Variants in MEMO1 observed in about 807,000 individuals in gnomAD.
The protein encoded by MEMO1 is protein MEMO1.
MEMO1 carries 6 observed loss-of-function variants against 45.2 expected under a neutral mutation model. The observed-to-expected ratio is 0.13, with a 90% confidence interval of 0.07 to 0.26. The LOEUF (loss-of-function observed/expected upper bound fraction) is 0.26, where lower values mean the gene tolerates loss of function less well. MEMO1 is among the 10% of genes least tolerant of loss of function. The pLI, the probability that MEMO1 is intolerant of heterozygous loss-of-function variation, is 1.00. For synonymous variants in MEMO1, 78 were observed against 124.3 expected (o/e 0.63, Z 2.48); for missense variants, 184 against 370.5 (o/e 0.50, Z 4.13).
chr2:31,906,629 T>C (rs1172010113), intron 6 of MEMO1, among the ~76,000 whole-genome samples: 1 of 151,960 alleles, frequency 6.6e-6, no homozygotes, highest in African/African-American at 2.4e-5. Context: ...AGCCTAGGAG[T>C]GCTATTCTTC....
chr2:31,938,977 G>T (rs1053362458), intron 3 of MEMO1, among the ~76,000 whole-genome samples: 2 of 151,478 alleles, frequency 1.3e-5, no homozygotes, highest in South Asian at 2.1e-4. Flanking sequence ...TGTAGAGGGG[G>T]TTTCGCCATG....
intron 5 of MEMO1, among the ~76,000 whole-genome samples, 174 bp downstream of exon 5, chr2:31,920,624 T>C (rs969965587): frequency 3.9e-5 from 6 of 152,166 alleles, no homozygotes; most frequent in African/African-American, 1.2e-4. Flanking sequence ...CTAGTTGCCT[T>C]TTAGGGATAT....
At chr2:31,920,075 C>T (rs569240778) in intron 5 of MEMO1, among the ~76,000 whole-genome samples, 3 of 151,368 alleles carry the variant, frequency 2.0e-5, no homozygotes, top group African/African-American at 7.3e-5. Context: ...TCAGGATGAG[C>T]GAGAAATTCT....
intron 2 of MEMO1, among the ~76,000 whole-genome samples, chr2:31,972,726 A>G (rs1252195119): frequency 6.6e-6 from 1 of 152,142 alleles, no homozygotes; most frequent in Non-Finnish European, 1.5e-5. Context: ...AAAAGCTAAG[A>G]CAACCTACAG....
At chr2:31,913,530 T>TTA (rs1553364944) in intron 6 of MEMO1, among the ~76,000 whole-genome samples, 51 of 151,806 alleles carry the variant, frequency 3.4e-4, no homozygotes, top group African/African-American at 1.2e-3. Flanking sequence ...TTTTTTTTTT[T>TTA]TTATTTTTTG....
At chr2:31,980,398 A>G (rs1303931037) in intron 2 of MEMO1, among the ~76,000 whole-genome samples, 1 of 152,210 alleles carries the variant, frequency 6.6e-6, no homozygotes, top group Non-Finnish European at 1.5e-5. Flanking sequence ...ACACCACTGC[A>G]CTGCAGCAAC....
intron 8 of MEMO1, among the ~76,000 whole-genome samples, chr2:31,872,045 A>ACACACACACACACACACACACACACACAC (rs1553355618): frequency 6.6e-6 from 1 of 151,698 alleles, no homozygotes; most frequent in African/African-American, 2.4e-5. Context: ...ACACACACAC[A>ACACACACACACACACACACACACACACAC]AAGTTAAACC....
intron 2 of MEMO1, among the ~76,000 whole-genome samples, chr2:32,006,549 C>T (rs571057785): frequency 6.6e-6 from 1 of 151,164 alleles, no homozygotes; most frequent in Non-Finnish European, 1.5e-5. Context: ...TTTTAAACAA[C>T]CCATTAAATA....
At chr2:31,868,690 T>C (rs985292764) in intron 9 of MEMO1, among the ~76,000 whole-genome samples, 198 bp from the exon 10 acceptor site, 2 of 152,224 alleles carry the variant, frequency 1.3e-5, no homozygotes, top group Non-Finnish European at 2.9e-5. Context: ...AAATAACTTC[T>C]AATCTTGTTT....
chr2:31,925,274 G>A (rs61144237), intron 4 of MEMO1, among the ~76,000 whole-genome samples: 14,401 of 151,888 alleles, frequency 0.095, 900 homozygotes, highest in Non-Finnish European at 0.15. Context: ...TCAGGAGATC[G>A]AGACCATCTG....
In MEMO1 at chr2:32,007,661, A is replaced by G. The variant is rs375533730; in HGVS notation, c.61+2526T>C. Reference sequence around the variant, plus strand: ...GCAACTTGAATGCTGTAGGAACCACAGAATGACAATCCACAAACACCTCTC... The same window carrying G: ...GCAACTTGAATGCTGTAGGAACCACGGAATGACAATCCACAAACACCTCTC... On this transcript the variant is annotated intron_variant, in intron 2 of 9. Transcript: ENST00000404530. 3.1e-4 allele frequency among the ~76,000 whole-genome samples: 47 copies of G among 152,372 alleles called. 2 individuals carry two copies. In the Middle Eastern group the frequency reaches 0.01, roughly 33 times the overall value.
intron 2 of MEMO1, among the ~76,000 whole-genome samples, chr2:32,009,098 G>A (rs753989387): frequency 1.3e-4 from 19 of 151,800 alleles, no homozygotes; most frequent in Non-Finnish European, 2.5e-4. Context: ...AATAATCCCA[G>A]AAAACAGGCA....
rs180674600 is a variant in MEMO1, at chr2:31,950,537, G to A, written c.62-7154C>T. Among the ~76,000 whole-genome samples, 163 of 151,868 alleles carry A rather than the reference G, an allele frequency of 1.1e-3. 1 individual carries two copies. Among genetic ancestry groups the A allele is most frequent in the African/African-American group, 3.9e-3 (161 of 41,416 alleles). ...AATTTGAGACCAGCCTGGCCAACATGGTGAAACCCCATCTCTACTAAAAAC... is the reference window on the plus strand; with the variant it reads ...AATTTGAGACCAGCCTGGCCAACATAGTGAAACCCCATCTCTACTAAAAAC... On this transcript the variant is annotated intron_variant, in intron 2 of 9. Coordinates refer to ENST00000404530, the MANE Select transcript of MEMO1 (RefSeq NM_001301833.4).
At chr2:31,898,574 T>G (rs758301195) in intron 6 of MEMO1, among the ~76,000 whole-genome samples, 1 of 152,212 alleles carries the variant, frequency 6.6e-6, no homozygotes, top group Non-Finnish European at 1.5e-5. Flanking sequence ...CACTGTGATC[T>G]GAGAGACTGT....
At chr2:31,979,143 C>G (rs1415676588) in intron 2 of MEMO1, among the ~76,000 whole-genome samples, 2 of 152,054 alleles carry the variant, frequency 1.3e-5, no homozygotes, top group Non-Finnish European at 1.5e-5. Flanking sequence ...AAGAGAAAAG[C>G]CCAGAAGAGA....
At chr2:31,877,100 A>G (rs1674672764) in intron 8 of MEMO1, among the ~76,000 whole-genome samples, 1 of 152,146 alleles carries the variant, frequency 6.6e-6, no homozygotes, top group East Asian at 1.9e-4. Context: ...CACCCTCCCC[A>G]TCCATTTATC....
In MEMO1 at chr2:31,895,836, T is replaced by C. The variant is rs1452504327; in HGVS notation, c.438-3702A>G. 5.1e-5 allele frequency among the ~76,000 whole-genome samples: 7 copies of C among 138,536 alleles called. No homozygotes were observed. The East Asian group carries it at 1.3e-3, about 26-fold the overall frequency. The allele number at this position is 138,536 out of a possible 152,430, so 90.9% of individuals were successfully genotyped here. On this transcript the variant is annotated intron_variant, in intron 6 of 9. Coordinates refer to ENST00000404530, the MANE Select transcript of MEMO1 (RefSeq NM_001301833.4). ...CTGAAAACAAAACACAAGAAAAAAA[T>C]CTTTTTTTTTTTTTTTTTTTTTTTT...
chr2:31,998,686 G>C (rs1303704239), intron 2 of MEMO1, among the ~76,000 whole-genome samples: 1 of 151,880 alleles, frequency 6.6e-6, no homozygotes, highest in Non-Finnish European at 1.5e-5. Context: ...TGTAATCCCA[G>C]CTACTCGGGA....
intron 2 of MEMO1, among the ~76,000 whole-genome samples, chr2:31,992,778 C>T (rs1402979991): frequency 6.6e-6 from 1 of 150,840 alleles, no homozygotes; most frequent in Admixed American, 6.6e-5. Flanking sequence ...AGTGAGACTC[C>T]GTCTCAAATT....
Sources: gnomAD v4.1 joint callset for allele counts (sites outside exome capture counted in the v4.1 genomes callset) on GRCh38, gnomAD v4.1.1 for gene constraint, MANE v1.5 for transcripts, NCBI Gene and HGNC (gene_info 2026-07-23, HGNC 2026-07-21) for gene names.